KRR1: variants seen among roughly 807,000 people sequenced by gnomAD.
KRR1 encodes the protein KRR1 small subunit processome component, also known as KRR1 small subunit processome component homolog.
In KRR1, 23 loss-of-function variants were observed where a neutral mutation model predicts 50.0. That is an observed-to-expected ratio of 0.46 (90% CI 0.33 to 0.65). The LOEUF (loss-of-function observed/expected upper bound fraction) is 0.65. Among genes scored for constraint, KRR1 ranks in the 30% least tolerant of loss-of-function variants. The pLI is 0.02. For synonymous variants in KRR1, 133 were observed against 146.3 expected (o/e 0.91, Z 0.66); for missense variants, 419 against 442.4 (o/e 0.95, Z 0.47).
rs1357378358 is a variant in KRR1 at position 75,498,501 on chromosome 12, T to TA, written c.*1307dup. Reference sequence around the variant, plus strand: ...TTATAAAAGGTTTATAAAGTTTATGTAAAAAGTCAACTTAAAAATACCAAG... The same window carrying TA: ...TTATAAAAGGTTTATAAAGTTTATGTAAAAAAGTCAACTTAAAAATACCAAG... On this transcript the variant is annotated 3_prime_UTR_variant, in exon 10 of 10. Transcript: ENST00000229214. 1.5e-5 allele frequency: 8 copies of TA among 530,306 alleles called. No individual in the cohort carries two copies. Among genetic ancestry groups the TA allele is most frequent in the Non-Finnish European group, 2.7e-5 (8 of 301,612 alleles). 32.9% of individuals were successfully genotyped at this position (530,306 alleles called of 1,614,324 possible). A position where few individuals can be genotyped will look rare whatever the true frequency, so the allele number is the denominator to read the frequency against.
rs890939975 is a variant in KRR1, at chr12:75,497,151, G to A, written c.*2658C>T. 1 of 152,082 alleles carries A rather than the reference G, an allele frequency of 6.6e-6. No individual in the cohort carries two copies. The highest frequency in any genetic ancestry group is 2.4e-5 in the African/African-American group (1 of 41,390). 9.4% of individuals were successfully genotyped at this position (152,082 alleles called of 1,614,324 possible). ...TTTCCAGTTTGACCACTGTGACTTT[G>A]GGCAAGTTTCTGCTTCTATTTTTTT... On this transcript the variant is annotated 3_prime_UTR_variant, in exon 10 of 10. Transcript: ENST00000229214.
At position 75,498,809 on chromosome 12, in the gene KRR1, ATGTT is replaced by A. The variant is rs760118692; in HGVS notation, c.*996_*999del. 1.2e-6 allele frequency: 2 copies of A among 1,612,202 alleles called. No individual in the cohort carries two copies. The highest frequency in any genetic ancestry group is 1.7e-6 in the Non-Finnish European group (2 of 1,178,608). On this transcript the variant is annotated 3_prime_UTR_variant, in exon 10 of 10. Transcript: ENST00000229214. ...GGAACAATGTCTAAGAGGATATTCT[ATGTT>A]TGTTTCACAGGTTACTACTCTGTTG...
rs2046343546 is a variant in KRR1 at position 75,495,256 on chromosome 12, T to C, written c.*4553A>G. ...GAGTTAAATCCAGGTTTCCTCTGAC[T>C]CTGAAGTGTATAAATTGTGATTAAA... On this transcript the variant is annotated 3_prime_UTR_variant, in exon 10 of 10. Transcript: ENST00000229214. 5.2e-6 allele frequency: 1 copy of C among 192,412 alleles called. No individual in the cohort carries two copies. Among genetic ancestry groups the C allele is most frequent in the African/African-American group, 2.3e-5 (1 of 43,006 alleles). 11.9% of individuals were successfully genotyped at this position (192,412 alleles called of 1,614,324 possible).
chr12:75,501,892 A>G lies in KRR1; in HGVS notation c.909+31T>C, dbSNP rs370277894. ...AATTCAAGTATCTATGAACTTTGCT[A>G]TTCATGTGAGCCAGACATAAAGTGC... On this transcript the variant is annotated intron_variant, in intron 8 of 9. Transcript: ENST00000229214. 7 of 1,599,722 alleles carry G rather than the reference A, an allele frequency of 4.4e-6. No homozygotes were observed. In the African/African-American group the frequency reaches 5.4e-5, roughly 12 times the overall value.
chr12:75,511,435 G>T, intron 1 of KRR1, 78 bp downstream of exon 1: 1 of 1,286,816 alleles, frequency 7.8e-7, no homozygotes, highest in Non-Finnish European at 1.1e-6. Context: ...GGTTTTATAA[G>T]TCCACGAGGA....
chr12:75,503,813 A>C (rs1407497492), intron 7 of KRR1, 91 bp downstream of exon 7: 5 of 1,128,874 alleles, frequency 4.4e-6, no homozygotes, highest in Middle Eastern at 3.1e-4. Context: ...ATATATACAC[A>C]TATCCCACCT....
chr12:75,492,794 A>AT lies in KRR1; in HGVS notation c.*7014dup, dbSNP rs1260364170. On this transcript the variant is annotated 3_prime_UTR_variant, in exon 10 of 10. Coordinates refer to ENST00000229214, the MANE Select transcript of KRR1 (RefSeq NM_007043.7). ...GGCAGTCTCTGTCTTTATGAGAGTA[A>AT]TATTTATGGGGCAAACAGATAATAA... 6.6e-6 allele frequency: 1 copy of AT among 152,334 alleles called. No homozygotes were observed. Among genetic ancestry groups the AT allele is most frequent in the African/African-American group, 2.4e-5 (1 of 41,560 alleles). 9.4% of individuals were successfully genotyped at this position (152,334 alleles called of 1,614,324 possible).
rs2046374573 is a variant in KRR1, at chr12:75,499,418, A to AT, written c.*390dup. The stretch of plus-strand genomic sequence containing the variant: ...AACAGAGGAGTAACTAGGGGATCTG[A>AT]TTTTAGAGGCCTTAATTTTCTGTTC... On this transcript the variant is annotated 3_prime_UTR_variant, in exon 10 of 10. Transcript: ENST00000229214. 6.2e-6 allele frequency: 1 copy of AT among 160,388 alleles called. No homozygotes were observed. Among genetic ancestry groups the AT allele is most frequent in the Non-Finnish European group, 1.3e-5 (1 of 74,154 alleles). The allele number at this position is 160,388 out of a possible 1,614,324, so 9.9% of individuals were successfully genotyped here.
intron 1 of KRR1, among the ~76,000 whole-genome samples, chr12:75,509,322 T>A (rs1208487215): frequency 6.6e-6 from 1 of 152,188 alleles, no homozygotes; most frequent in Non-Finnish European, 1.5e-5. Flanking sequence ...ACCTACTGAA[T>A]GAGAATCTCT....
At chr12:75,507,396 G>T (rs1458991428) in intron 2 of KRR1, among the ~76,000 whole-genome samples, 3 of 152,120 alleles carry the variant, frequency 2.0e-5, no homozygotes, top group African/African-American at 7.2e-5. Context: ...AAAAAGCAAT[G>T]ATTAGAAAAC....
chr12:75,511,516 G>T lies in KRR1; in HGVS notation c.82C>A (p.Gln28Lys). The change falls in exon 1 of 10, where the codon CAA (glutamine) becomes AAA (lysine). Residue 28 changes from glutamine (Q) to lysine (K), a missense_variant. Transcript: ENST00000229214. ...FRNQKPKPEN[Q>K]DESELLTVPD... The stretch of plus-strand genomic sequence containing the variant: ...TTCGGTTCCCACATAACATCACCTT[G>T]GTTCTCCGGCTTCGGCTTCTGGTTA... 1 of 1,613,864 alleles carries T rather than the reference G, an allele frequency of 6.2e-7. No homozygotes were observed. The highest frequency in any genetic ancestry group is 8.5e-7 in the Non-Finnish European group (1 of 1,179,744).
At position 75,497,874 on chromosome 12, in the gene KRR1, T is replaced by C. The variant is rs552776138; in HGVS notation, c.*1935A>G. Reference sequence around the variant, plus strand: ...GTACATTTGTTTCAATAGTTGAATATTGAACATTTAAAAATATATATAAAA... The same window carrying C: ...GTACATTTGTTTCAATAGTTGAATACTGAACATTTAAAAATATATATAAAA... On this transcript the variant is annotated 3_prime_UTR_variant, in exon 10 of 10. Coordinates refer to ENST00000229214, the MANE Select transcript of KRR1 (RefSeq NM_007043.7). The C allele has an allele frequency of 1.2e-4, 18 of 147,006 alleles. No individual in the cohort carries two copies. The highest frequency in any genetic ancestry group is 1.7e-4 in the African/African-American group (7 of 40,766). The allele number at this position is 147,006 out of a possible 1,614,324, so 9.1% of individuals were successfully genotyped here.
chr12:75,494,511 G>T lies in KRR1; in HGVS notation c.*5298C>A, dbSNP rs1215262307. On this transcript the variant is annotated 3_prime_UTR_variant, in exon 10 of 10. Coordinates refer to ENST00000229214, the MANE Select transcript of KRR1 (RefSeq NM_007043.7). ...GCCCCCGGTAGATCTTAATAGAGAA[G>T]CACATATTACTTTATCACAAATCTT... 1 of 152,102 alleles carries T rather than the reference G, an allele frequency of 6.6e-6. No individual in the cohort carries two copies. The highest frequency in any genetic ancestry group is 1.5e-5 in the Non-Finnish European group (1 of 68,020). The allele number at this position is 152,102 out of a possible 1,614,324, so 9.4% of individuals were successfully genotyped here. A position where few individuals can be genotyped will look rare whatever the true frequency, so the allele number is the denominator to read the frequency against.
chr12:75,499,990 ATTTTACCAAGTAAAACAAAGAATATATG>A, intron 9 of KRR1, 39 bp from the exon 10 acceptor site: 1 of 1,505,360 alleles, frequency 6.6e-7, no homozygotes, highest in Non-Finnish European at 9.0e-7. Flanking sequence ...AATACTTTAG[ATTTTACCAAGTAAAACAAAGAATATATG>A]TTTAACAAAG....
At position 75,501,998 on chromosome 12, in the gene KRR1, G is replaced by T. The variant is rs746830762; in HGVS notation, c.834C>A (p.Ile278=). Residue 278 remains isoleucine, a splice_region_variant and synonymous_variant, in exon 8 of 10, where the codon ATC becomes ATA. Transcript: ENST00000229214. ...PFPPPQPESQ[I]DKELASGEYF... is the part of the protein sequence containing the mutation. The stretch of plus-strand genomic sequence containing the variant: ...ATTCACCACTAGCCAATTCTTTATC[G>T]ATCTGTTGAAAACGGTATTTACAAT... 15 of 1,609,536 alleles carry T rather than the reference G, an allele frequency of 9.3e-6. No homozygotes were observed. The highest frequency in any genetic ancestry group is 2.7e-5 in the African/African-American group (2 of 74,762).
At chr12:75,500,494 T>TCAATG in intron 9 of KRR1, 1 of 39,598 alleles carries the variant, frequency 2.5e-5, no homozygotes, top group East Asian at 2.1e-3. Flanking sequence ...TTCAATGAAT[T>TCAATG]AATTCATTTA....
Position 75,501,756 on chromosome 12 carries a change from G to A in KRR1, c.970C>T (p.Pro324Ser), listed in dbSNP as rs750831850. ...QEERNKAFIPPKEKPIVKPKE... is the reference protein window; with the variant it reads ...QEERNKAFIPSKEKPIVKPKE... ...GGTTTCACAATTGGTTTTTCCTTAG[G>A]TGGAATAAATGCTTTGTTTCTTTCC... Residue 324 changes from proline to serine, a missense_variant, in exon 9 of 10, where the codon CCT (proline) becomes TCT (serine). Coordinates refer to ENST00000229214, the MANE Select transcript of KRR1 (RefSeq NM_007043.7). 12 of 1,610,626 alleles carry A rather than the reference G, an allele frequency of 7.5e-6. No individual in the cohort carries two copies. The highest frequency in any genetic ancestry group is 1.7e-4 in the Middle Eastern group (1 of 6,040).
intron 1 of KRR1, 97 bp from the exon 2 acceptor site, chr12:75,508,543 A>G (rs2046433101): frequency 1.3e-6 from 1 of 796,930 alleles, no homozygotes; most frequent in South Asian, 2.0e-5. Flanking sequence ...TGAACATCCT[A>G]TGCACATATT....
Position 75,498,964 on chromosome 12 carries a change from G to A in KRR1, c.*845C>T, listed in dbSNP as rs747895447. On this transcript the variant is annotated 3_prime_UTR_variant, in exon 10 of 10. Transcript: ENST00000229214. Reference sequence around the variant, plus strand: ...GGTACAGCACAAGTACCCTAATTTAGTTCTTTTGGACTAATACAATTCAGG... The same window carrying A: ...GGTACAGCACAAGTACCCTAATTTAATTCTTTTGGACTAATACAATTCAGG... The A allele has an allele frequency of 1.3e-6, 2 of 1,593,910 alleles. No individual in the cohort carries two copies. The highest frequency in any genetic ancestry group is 1.7e-6 in the Non-Finnish European group (2 of 1,171,908).
Sources: allele counts gnomAD v4.1 joint callset (sites outside exome capture counted in the v4.1 genomes callset), GRCh38; gene constraint gnomAD v4.1.1; transcripts MANE v1.5; gene names NCBI Gene and HGNC (gene_info 2026-07-23, HGNC 2026-07-21).